Variants in DMD observed in about 807,000 individuals in gnomAD.
DMD encodes dystrophin.
DMD carries 63 observed loss-of-function variants against 330.1 expected under a neutral mutation model. The ratio of observed to expected loss-of-function variants is 0.19; its 90% confidence interval spans 0.16 to 0.24. The LOEUF (loss-of-function observed/expected upper bound fraction) is 0.24. Among genes scored for constraint, DMD ranks in the 10% least tolerant of loss-of-function variants. The pLI is 1.00. For synonymous variants in DMD, 1,223 were observed against 959.8 expected (o/e 1.27, Z -5.07); for missense variants, 3,344 against 2,684.1 (o/e 1.25, Z -5.43).
intron 30 of DMD, among the ~76,000 whole-genome samples, chrX:32,405,152 C>G (rs1459497706): frequency 9.0e-6 from 1 of 111,712 alleles, no homozygotes; most frequent in Non-Finnish European, 1.9e-5. Context: ...CTCCAATTAG[C>G]TACACATTAG....
At chrX:33,271,963 A>T (rs1340991865) in intron 1 of DMD, among the ~76,000 whole-genome samples, 3 of 109,229 alleles carry the variant, frequency 2.7e-5, no homozygotes, top group Admixed American at 9.7e-5. Context: ...AGCTCACTGC[A>T]ACCTCTGCCT....
At chrX:32,659,650 C>T (rs950805139) in intron 9 of DMD, among the ~76,000 whole-genome samples, 5 of 110,727 alleles carry the variant, frequency 4.5e-5, no homozygotes, top group Non-Finnish European at 7.6e-5. Flanking sequence ...AATAATGTGT[C>T]TCTTAGCATA....
chrX:31,898,649 C>G lies in DMD; in HGVS notation c.6913-23276G>C, dbSNP rs991686235. ...TGGATTAAAGACTTAAACGTTAGAC[C>G]TAAAACCATAAAAACCCTAGAAGAT... On this transcript the variant is annotated intron_variant, in intron 47 of 78. Coordinates refer to ENST00000357033, the MANE Select transcript of DMD (RefSeq NM_004006.3). Among the ~76,000 whole-genome samples the G allele has an allele frequency of 4.5e-5, 5 of 111,713 alleles. No homozygotes were observed. The East Asian group carries it at 1.4e-3, about 31-fold the overall frequency.
At chrX:31,713,918 T>G (rs1048557163) in intron 52 of DMD, among the ~76,000 whole-genome samples, 1 of 111,917 alleles carries the variant, frequency 8.9e-6, no homozygotes, top group Non-Finnish European at 1.9e-5. Flanking sequence ...TTATTAAGTA[T>G]AAAAATTAGG....
chrX:32,413,582 A>T (rs1334804350), intron 29 of DMD, among the ~76,000 whole-genome samples: 1 of 110,452 alleles, frequency 9.1e-6, no homozygotes, highest in Admixed American at 9.8e-5. Context: ...CAGTTTCTTC[A>T]CTGGCATTTT....
At chrX:31,255,174 TGTGAGAAAAGGACAG>T (rs1370726044) in intron 63 of DMD, among the ~76,000 whole-genome samples, 1 of 111,466 alleles carries the variant, frequency 9.0e-6, no homozygotes, top group African/African-American at 3.3e-5. Flanking sequence ...AGACATAAAT[TGTGAGAAAAGGACAG>T]GCTTTTAACC....
chrX:31,368,711 T>C (rs145135041), intron 60 of DMD, among the ~76,000 whole-genome samples: 1,328 of 109,334 alleles, frequency 0.012, 16 homozygotes, highest in African/African-American at 0.042. Flanking sequence ...AGTGGTGCAA[T>C]CTCGGCTCAG....
intron 9 of DMD, among the ~76,000 whole-genome samples, chrX:32,680,439 AG>A (rs2062322879): frequency 9.0e-6 from 1 of 111,329 alleles, no homozygotes; most frequent in African/African-American, 3.3e-5. Flanking sequence ...CACTGAGTAG[AG>A]TAAGTTTCTC....
At chrX:32,657,351 A>C (rs2060646300) in intron 9 of DMD, among the ~76,000 whole-genome samples, 1 of 112,360 alleles carries the variant, frequency 8.9e-6, no homozygotes, top group South Asian at 3.6e-4. Flanking sequence ...AAGCAAGTTT[A>C]TAATAAAATT....
chrX:33,070,434 C>G (rs1327908712), intron 1 of DMD, among the ~76,000 whole-genome samples: 2 of 109,727 alleles, frequency 1.8e-5, no homozygotes, highest in Non-Finnish European at 3.8e-5. Context: ...TGGTACAATT[C>G]CTAGGTTGAT....
chrX:32,666,827 CA>C (rs59974295), intron 9 of DMD, among the ~76,000 whole-genome samples: 12,051 of 83,813 alleles, frequency 0.14, 982 homozygotes, highest in African/African-American at 0.3. Context: ...AATCTGTCTC[CA>C]AAAAAAAAAA....
intron 37 of DMD, among the ~76,000 whole-genome samples, chrX:32,349,514 C>G (rs752213584): frequency 1.8e-5 from 2 of 111,276 alleles, no homozygotes; most frequent in Non-Finnish European, 3.8e-5. Flanking sequence ...TTTGCCAAGA[C>G]GATTACATTC....
At chrX:31,487,059 A>G (rs2068864114) in intron 57 of DMD, among the ~76,000 whole-genome samples, 1 of 111,825 alleles carries the variant, frequency 8.9e-6, no homozygotes, top group Non-Finnish European at 1.9e-5. Flanking sequence ...AAGCAAATTC[A>G]TAGGGGTTCA....
At chrX:33,104,146 T>G (rs1423584617) in intron 1 of DMD, among the ~76,000 whole-genome samples, 13 of 112,082 alleles carry the variant, frequency 1.2e-4, no homozygotes, top group Non-Finnish European at 2.4e-4. Context: ...ACAGGTAAAC[T>G]TTCTCCTAGA....
Position 32,573,539 on chromosome X carries a change from T to C in DMD, c.1803A>G (p.Gln601=). Reference sequence around the variant, plus strand: ...GCTAGAAAGTACATACGGCCAGTTTTTGAAGACTTGATAACATTTCATTTT... The same window carrying C: ...GCTAGAAAGTACATACGGCCAGTTTCTGAAGACTTGATAACATTTCATTTT... ...KDQNEMLSSL[Q]KLAVLKADLE... Residue 601 remains glutamine, a synonymous_variant, in exon 15 of 79, where the codon CAA becomes CAG. Coordinates refer to ENST00000357033, the MANE Select transcript of DMD (RefSeq NM_004006.3). 8.3e-7 allele frequency: 1 copy of C among 1,208,469 alleles called. No individual in the cohort carries two copies. The highest frequency in any genetic ancestry group is 2.3e-4 in the Middle Eastern group (1 of 4,267).
chrX:32,495,616 T>A (rs907807252), intron 19 of DMD, among the ~76,000 whole-genome samples: 1 of 112,007 alleles, frequency 8.9e-6, no homozygotes, highest in Non-Finnish European at 1.9e-5. Flanking sequence ...CCAGAACTAC[T>A]GTTGATTTTC....
intron 2 of DMD, among the ~76,000 whole-genome samples, chrX:32,925,442 A>C (rs1199268672): frequency 9.0e-6 from 1 of 110,844 alleles, no homozygotes; most frequent in Non-Finnish European, 1.9e-5. Flanking sequence ...TTTGGGATGC[A>C]TCAGTGAGTA....
At chrX:31,822,346 G>A (rs2092779772) in intron 49 of DMD, among the ~76,000 whole-genome samples, 1 of 111,749 alleles carries the variant, frequency 8.9e-6, no homozygotes, top group Admixed American at 9.5e-5. Context: ...AAGAGGTATC[G>A]AGCCTTAAAA....
At chrX:31,977,614 C>A (rs749342164) in intron 44 of DMD, among the ~76,000 whole-genome samples, 2 of 110,448 alleles carry the variant, frequency 1.8e-5, no homozygotes, top group Admixed American at 1.9e-4. Context: ...GCATTAAACA[C>A]AAATTACTCT....
Sources: allele counts gnomAD v4.1 joint callset (sites outside exome capture counted in the v4.1 genomes callset), GRCh38; gene constraint gnomAD v4.1.1; transcripts MANE v1.5; gene names NCBI Gene and HGNC (gene_info 2026-07-23, HGNC 2026-07-21).